PCSK5: variants seen among roughly 807,000 people sequenced by gnomAD.
PCSK5 encodes the protein prohormone convertase 5.
PCSK5 carries 129 observed loss-of-function variants against 233.2 expected under a neutral mutation model. The observed-to-expected ratio is 0.55, with a 90% CI of 0.48 to 0.64. The LOEUF is 0.64. PCSK5 is among the 30% of genes least tolerant of loss of function. The probability of loss-of-function intolerance (pLI) is 0.00; values close to 1 mark genes in which losing one functional copy is unlikely to be tolerated. For synonymous variants in PCSK5, 825 were observed against 879.2 expected (o/e 0.94, Z 1.09); for missense variants, 2,076 against 2,430.1 (o/e 0.85, Z 3.06).
In PCSK5 at chr9:75,979,107, G is replaced by A. The variant is rs544769769; in HGVS notation, c.298-7025G>A. On this transcript the variant is annotated intron_variant, in intron 2 of 37. Coordinates refer to ENST00000674117, the MANE Select transcript of PCSK5 (RefSeq NM_001372043.1). ...GTCCTCAGGTGATCAGCCCACCTTGGCCTCCCAAAGTGCTGGGATTATCGC... is the reference window on the plus strand; with the variant it reads ...GTCCTCAGGTGATCAGCCCACCTTGACCTCCCAAAGTGCTGGGATTATCGC... Among the ~76,000 whole-genome samples the A allele has an allele frequency of 5.9e-5, 9 of 152,056 alleles. No individual in the cohort carries two copies. The South Asian group carries it at 1.9e-3, about 32-fold the overall frequency.
intron 1 of PCSK5, among the ~76,000 whole-genome samples, chr9:75,919,508 A>G (rs1025094899): frequency 6.6e-6 from 1 of 152,188 alleles, no homozygotes; most frequent in Non-Finnish European, 1.5e-5. Flanking sequence ...TAAGTGAGTA[A>G]TTTTATGTGA....
chr9:75,971,023 A>C (rs1200498828), intron 2 of PCSK5, among the ~76,000 whole-genome samples: 1 of 152,046 alleles, frequency 6.6e-6, no homozygotes, highest in Non-Finnish European at 1.5e-5. Flanking sequence ...CTATCAACCC[A>C]TCACCTAGGT....
intron 13 of PCSK5, among the ~76,000 whole-genome samples, chr9:76,171,753 G>T (rs528435513): frequency 6.6e-6 from 1 of 152,196 alleles, no homozygotes; most frequent in Admixed American, 6.5e-5. Context: ...GTCACCTCCA[G>T]TCATTTTAGA....
rs574990235 is a variant in PCSK5, at chr9:76,338,404, A to G, written c.4923A>G (p.Thr1641=). The G allele has an allele frequency of 1.2e-6, 2 of 1,612,768 alleles. No homozygotes were observed. Among genetic ancestry groups the G allele is most frequent in the Non-Finnish European group, 1.7e-6 (2 of 1,179,788 alleles). The change falls in exon 35 of 38, where the codon ACA becomes ACG. Residue 1641 remains threonine (T), a synonymous_variant. Transcript: ENST00000674117. ...ACCATTACTATGTAGAGCAAAGCAC[A>G]CAGACCTGTGAGAGATGCCATCCGA... ...CPDHYYVEQS[T]QTCERCHPTC... is the part of the protein sequence containing the mutation.
intron 10 of PCSK5, among the ~76,000 whole-genome samples, chr9:76,137,301 TCTC>T (rs1736639365): frequency 2.6e-5 from 4 of 152,146 alleles, no homozygotes; most frequent in Admixed American, 2.0e-4. Flanking sequence ...AGAACTTTCT[TCTC>T]CTTTTTCTGT....
intron 1 of PCSK5, among the ~76,000 whole-genome samples, chr9:75,901,775 A>G (rs1469493755): frequency 6.6e-6 from 1 of 152,214 alleles, no homozygotes; most frequent in Non-Finnish European, 1.5e-5. Context: ...ATAAAAATGT[A>G]CCAAATAGCA....
intron 2 of PCSK5, among the ~76,000 whole-genome samples, chr9:75,968,561 TAGAA>T (rs1339111892): frequency 1.3e-5 from 2 of 152,116 alleles, no homozygotes; most frequent in Admixed American, 6.5e-5. Context: ...GGAAGCACCA[TAGAA>T]AGGAAGATGC....
intron 9 of PCSK5, among the ~76,000 whole-genome samples, chr9:76,123,058 G>C (rs1018930756): frequency 1.8e-4 from 28 of 151,878 alleles, no homozygotes; most frequent in Admixed American, 1.4e-3. Context: ...TGGCCAGGCT[G>C]GTTTTGAACT....
intron 22 of PCSK5, 33 bp from the exon 23 acceptor site, chr9:76,238,926 T>C (rs1404828679): frequency 1.3e-5 from 19 of 1,470,506 alleles, no homozygotes; most frequent in Non-Finnish European, 1.7e-5. Flanking sequence ...TTTGTACATT[T>C]TCCCTCTTTT....
intron 9 of PCSK5, among the ~76,000 whole-genome samples, chr9:76,131,879 CA>C (rs1305652983): frequency 6.6e-6 from 1 of 152,020 alleles, no homozygotes; most frequent in African/African-American, 2.4e-5. Flanking sequence ...TTCTGTGTGT[CA>C]AATGTTATTT....
chr9:76,008,173 A>C (rs1827565189), intron 3 of PCSK5, among the ~76,000 whole-genome samples: 1 of 151,968 alleles, frequency 6.6e-6, no homozygotes, highest in African/African-American at 2.4e-5. Context: ...TGCTGTCTCT[A>C]TCTGACTTTC....
intron 24 of PCSK5, among the ~76,000 whole-genome samples, chr9:76,260,973 A>G (rs1233305686): frequency 1.3e-5 from 2 of 152,170 alleles, no homozygotes; most frequent in African/African-American, 4.8e-5. Context: ...TCCTGCCTTG[A>G]TGCTGAGCTT....
intron 30 of PCSK5, among the ~76,000 whole-genome samples, chr9:76,315,936 T>G (rs949091951): frequency 4.0e-5 from 6 of 149,988 alleles, no homozygotes; most frequent in South Asian, 2.1e-4. Context: ...GGGTTTTTTT[T>G]TTTTTTTTTT....
At chr9:76,125,380 G>A (rs2131726049) in intron 9 of PCSK5, among the ~76,000 whole-genome samples, 1 of 152,294 alleles carries the variant, frequency 6.6e-6, no homozygotes. Context: ...TCCAGTCCAA[G>A]ACATTGCAGG....
chr9:76,168,612 C>T (rs764607551), intron 12 of PCSK5, among the ~76,000 whole-genome samples: 10 of 152,058 alleles, frequency 6.6e-5, no homozygotes, highest in East Asian at 1.9e-4. Flanking sequence ...ACTGCAAATT[C>T]GGAGCTTTGG....
intron 9 of PCSK5, among the ~76,000 whole-genome samples, chr9:76,108,100 T>A (rs930906603): frequency 1.6e-4 from 24 of 152,218 alleles, no homozygotes; most frequent in Non-Finnish European, 2.9e-5. Flanking sequence ...TACAGTATTA[T>A]TTATAACATT....
intron 12 of PCSK5, among the ~76,000 whole-genome samples, chr9:76,167,790 A>G (rs936679014): frequency 3.4e-4 from 52 of 152,336 alleles, no homozygotes; most frequent in African/African-American, 1.3e-3. Flanking sequence ...ACATGAGATT[A>G]AAGCAAAGAG....
intron 2 of PCSK5, among the ~76,000 whole-genome samples, chr9:75,943,073 C>G (rs1252032554): frequency 6.6e-6 from 1 of 151,624 alleles, no homozygotes; most frequent in Non-Finnish European, 1.5e-5. Context: ...TTAGTAGAGA[C>G]GGGGTTTCGC....
intron 2 of PCSK5, among the ~76,000 whole-genome samples, chr9:75,978,535 T>C (rs1341336609): frequency 6.6e-6 from 1 of 152,228 alleles, no homozygotes; most frequent in Non-Finnish European, 1.5e-5. Context: ...CAGTTTGTTC[T>C]ACACTGCCCA....
Sources: gnomAD v4.1 joint callset for allele counts (sites outside exome capture counted in the v4.1 genomes callset) on GRCh38, gnomAD v4.1.1 for gene constraint, MANE v1.5 for transcripts, NCBI Gene and HGNC (gene_info 2026-07-23, HGNC 2026-07-21) for gene names.